The following NCOR1 variants were observed in gnomAD, a reference collection of about 807,000 sequenced individuals.
NCOR1 encodes protein phosphatase 1, regulatory subunit 109.
NCOR1 carries 63 observed loss-of-function variants against 288.1 expected under a neutral mutation model. That is an observed-to-expected ratio of 0.22 (90% CI 0.18 to 0.27). The LOEUF is 0.27. NCOR1 is among the 10% of genes least tolerant of loss of function. NCOR1 has a pLI of 1.00. For synonymous variants in NCOR1, 1,007 were observed against 1,065.9 expected (o/e 0.94, Z 1.08); for missense variants, 2,397 against 3,019.2 (o/e 0.79, Z 4.83).
At chr17:16,073,727 C>T (rs1204702855) in intron 27 of NCOR1, among the ~76,000 whole-genome samples, 158 bp from the exon 28 acceptor site, 1 of 151,708 alleles carries the variant, frequency 6.6e-6, no homozygotes, top group Non-Finnish European at 1.5e-5. Flanking sequence ...AAAATATTTT[C>T]ACTCATTCAA....
At chr17:16,105,065 C>A (rs2068344980) in intron 19 of NCOR1, among the ~76,000 whole-genome samples, 1 of 152,124 alleles carries the variant, frequency 6.6e-6, no homozygotes, top group Non-Finnish European at 1.5e-5. Context: ...AGAAAGTTCA[C>A]AGAGGTACAA....
rs1415841153 is a variant in NCOR1 at position 16,119,337 on chromosome 17, T to G, written c.1915+86A>C. 3.0e-6 allele frequency: 3 copies of G among 999,302 alleles called. No homozygotes were observed. In the East Asian group the frequency reaches 7.3e-5, roughly 24 times the overall value. 61.9% of individuals were successfully genotyped at this position (999,302 alleles called of 1,614,324 possible). On this transcript the variant is annotated intron_variant, in intron 17 of 45. Transcript: ENST00000268712. ...TTTTTGAAAGAATTTTTTTTCCAATTAAAACAATTAGTTCCATCTCACTCA... is the reference window on the plus strand; with the variant it reads ...TTTTTGAAAGAATTTTTTTTCCAATGAAAACAATTAGTTCCATCTCACTCA...
chr17:16,108,707 A>G (rs2153052822), intron 19 of NCOR1, 79 bp downstream of exon 19: 1 of 1,250,324 alleles, frequency 8.0e-7, no homozygotes, highest in African/African-American at 1.5e-5. Flanking sequence ...CAATGAAGCA[A>G]CTCCTACACA....
intron 1 of NCOR1, among the ~76,000 whole-genome samples, chr17:16,195,481 AG>A (rs1404597887): frequency 2.1e-5 from 1 of 47,702 alleles, no homozygotes; most frequent in African/African-American, 5.7e-5. Context: ...AAAAAAAAAA[AG>A]AAAGAAAGAA....
chr17:16,073,187 A>T (rs1012136291), intron 28 of NCOR1, among the ~76,000 whole-genome samples: 2 of 152,242 alleles, frequency 1.3e-5, no homozygotes, highest in Non-Finnish European at 2.9e-5. Flanking sequence ...ATAGTAACCT[A>T]TGATATGACC....
intron 9 of NCOR1, among the ~76,000 whole-genome samples, chr17:16,148,402 C>A (rs909079236): frequency 5.3e-5 from 8 of 152,172 alleles, no homozygotes; most frequent in African/African-American, 1.9e-4. Context: ...AATACTAGGA[C>A]TGACCTGTCT....
chr17:16,093,707 T>C (rs1433343444), intron 21 of NCOR1, among the ~76,000 whole-genome samples: 4 of 152,200 alleles, frequency 2.6e-5, no homozygotes, highest in African/African-American at 9.7e-5. Flanking sequence ...TTGTGCTTTG[T>C]CTTCCATATA....
rs192736556 is a variant in NCOR1, at chr17:16,120,265, A to C, written c.1853-780T>G. 5.9e-5 allele frequency among the ~76,000 whole-genome samples: 9 copies of C among 152,196 alleles called. No individual in the cohort carries two copies. In the East Asian group the frequency reaches 1.5e-3, roughly 26 times the overall value. ...TTATTCTGTCTAAACTGACCTCCACAATTGCTATCAGTTAACTTCCAAAGA... is the reference window on the plus strand; with the variant it reads ...TTATTCTGTCTAAACTGACCTCCACCATTGCTATCAGTTAACTTCCAAAGA... On this transcript the variant is annotated intron_variant, in intron 16 of 45. Transcript: ENST00000268712.
intron 9 of NCOR1, among the ~76,000 whole-genome samples, chr17:16,148,313 C>G (rs1289717579): frequency 6.6e-6 from 1 of 152,094 alleles, no homozygotes; most frequent in Non-Finnish European, 1.5e-5. Context: ...TGGTTTTCCC[C>G]TGAAATGTCC....
intron 11 of NCOR1, among the ~76,000 whole-genome samples, chr17:16,139,541 A>T (rs2153274659): frequency 1.3e-5 from 2 of 152,324 alleles, no homozygotes; most frequent in South Asian, 4.1e-4. Context: ...TAATTATCAT[A>T]TTAGTCTCAT....
intron 15 of NCOR1, among the ~76,000 whole-genome samples, chr17:16,124,388 G>A (rs1467696525): frequency 2.6e-5 from 4 of 152,196 alleles, no homozygotes; most frequent in Non-Finnish European, 5.9e-5. Flanking sequence ...CCAGAGGCTG[G>A]AAATGAGGAA....
At position 16,072,187 on chromosome 17, in the gene NCOR1, C is replaced by A; in HGVS notation, c.3853G>T (p.Asp1285Tyr). The change falls in exon 29 of 46, where the codon GAC becomes TAC. Residue 1285 changes from aspartate (D) to tyrosine (Y), a missense_variant. Coordinates refer to ENST00000268712, the MANE Select transcript of NCOR1 (RefSeq NM_006311.4). ...GACAATACAGTCCTTTCTTTGAGGT[C>A]AGAATGAGGACTCCCCCTGGGTAAT... ...RALPRGSPHSDLKERTVLSGS... is the reference protein window; with the variant it reads ...RALPRGSPHSYLKERTVLSGS... 6.2e-7 allele frequency: 1 copy of A among 1,612,800 alleles called. No homozygotes were observed. The highest frequency in any genetic ancestry group is 1.1e-5 in the South Asian group (1 of 90,828).
chr17:16,072,610 AT>A (rs1327881442), intron 28 of NCOR1, among the ~76,000 whole-genome samples: 1 of 152,232 alleles, frequency 6.6e-6, no homozygotes, highest in African/African-American at 2.4e-5. Flanking sequence ...AATAGGGAAA[AT>A]GTATTAAATG....
At position 16,085,907 on chromosome 17, in the gene NCOR1, A is replaced by G. The variant is rs189972338; in HGVS notation, c.3177+375T>C. 3.0e-4 allele frequency among the ~76,000 whole-genome samples: 45 copies of G among 152,344 alleles called. 1 individual carries two copies. Among genetic ancestry groups the G allele is most frequent in the Middle Eastern group, 3.4e-3 (1 of 294 alleles). On this transcript the variant is annotated intron_variant, in intron 23 of 45. Transcript: ENST00000268712. ...GGCCAAAGTCAGAATAAATTATAAT[A>G]CTAACCACCTACAATTTAATATTTT...
At chr17:16,164,031 T>C (rs2081461523) in intron 5 of NCOR1, among the ~76,000 whole-genome samples, 1 of 152,260 alleles carries the variant, frequency 6.6e-6, no homozygotes, top group South Asian at 2.1e-4. Context: ...ATGGAGTTTC[T>C]TTTTGAAATG....
chr17:16,188,752 C>T (rs1306851216), intron 2 of NCOR1, among the ~76,000 whole-genome samples: 1 of 151,944 alleles, frequency 6.6e-6, no homozygotes, highest in Non-Finnish European at 1.5e-5. Flanking sequence ...AGGCCAGGTG[C>T]TATGGCTCAC....
In NCOR1 at chr17:16,127,281, A is replaced by G. The variant is rs537085216; in HGVS notation, c.1510-1075T>C. Among the ~76,000 whole-genome samples the G allele has an allele frequency of 7.8e-3, 282 of 36,132 alleles. 82 individuals are homozygous for G. The highest frequency in any genetic ancestry group is 0.022 in the African/African-American group (247 of 11,370). 23.7% of individuals were successfully genotyped at this position (36,132 alleles called of 152,430 possible). A position where few individuals can be genotyped will look rare whatever the true frequency, so the allele number is the denominator to read the frequency against. On this transcript the variant is annotated intron_variant, in intron 14 of 45. Transcript: ENST00000268712. ...TGTGTGTATATATGTATGTATATAT[A>G]CGTGTATATATGTATGTATGTATAT...
chr17:16,130,731 T>TGG (rs2075467536), intron 14 of NCOR1, among the ~76,000 whole-genome samples: 1 of 152,234 alleles, frequency 6.6e-6, no homozygotes, highest in Non-Finnish European at 1.5e-5. Context: ...TCACCCAGGC[T>TGG]GGAGTACAGC....
chr17:16,101,359 C>A lies in NCOR1; in HGVS notation c.2581G>T (p.Val861Leu). Reference sequence around the variant, plus strand: ...TGGGCATTTATTTGCTGAGCTACCACCAAATCTTCATCTCTAGGTTCCACC... The same window carrying A: ...TGGGCATTTATTTGCTGAGCTACCAACAAATCTTCATCTCTAGGTTCCACC... ...EKVEPRDEDLVVAQQINAQRP... is the reference protein window; with the variant it reads ...EKVEPRDEDLLVAQQINAQRP... Residue 861 changes from valine (V) to leucine (L), a missense_variant, in exon 20 of 46, where the codon GTG (valine) becomes TTG (leucine). Val to Leu is a conservative substitution (Grantham distance 32). Transcript: ENST00000268712. 6.2e-7 allele frequency: 1 copy of A among 1,614,184 alleles called. No homozygotes were observed. The highest frequency in any genetic ancestry group is 8.5e-7 in the Non-Finnish European group (1 of 1,180,038).
Sources: allele counts gnomAD v4.1 joint callset (sites outside exome capture counted in the v4.1 genomes callset), GRCh38; gene constraint gnomAD v4.1.1; transcripts MANE v1.5; gene names NCBI Gene and HGNC (gene_info 2026-07-23, HGNC 2026-07-21).